TANC2: variants seen among roughly 807,000 people sequenced by gnomAD.
TANC2 encodes the protein protein TANC2.
In TANC2, 26 loss-of-function variants were observed where a neutral mutation model predicts 210.5. The observed-to-expected ratio is 0.12, with a 90% CI of 0.09 to 0.17. The LOEUF is 0.17. TANC2 is among the 10% of genes least tolerant of loss of function. TANC2 has a pLI of 1.00. For synonymous variants in TANC2, 931 were observed against 967.1 expected (o/e 0.96, Z 0.69); for missense variants, 2,129 against 2,608.9 (o/e 0.82, Z 4.01).
intron 2 of TANC2, among the ~76,000 whole-genome samples, chr17:63,043,641 C>T (rs913634353): frequency 3.9e-5 from 6 of 152,242 alleles, no homozygotes; most frequent in African/African-American, 1.4e-4. Flanking sequence ...TCAACAGTAT[C>T]TTTAGCCCTC....
rs760778311 is a variant in TANC2, at chr17:63,421,105, G to A, written c.5375G>A (p.Gly1792Asp). ...CGACCTTCCTCAGCATACCGAGGTG[G>A]CGTGAGATACAGCCAGACACCACAG... The change falls in exon 28 of 28, where the codon GGC becomes GAC. Residue 1792 changes from glycine (G) to aspartate (D), a missense_variant. By Grantham distance (94) the Gly-to-Asp change is moderately conservative. Around this residue, in one of 5 missense-constraint regions of TANC2, gnomAD observed 584 missense variants for 627.3 expected, o/e 0.93. Transcript: ENST00000689528. The surrounding 1 kb of genome is among the most constrained non-coding windows in gnomAD (Gnocchi z 6.9). 4 of 1,613,952 alleles carry A rather than the reference G, an allele frequency of 2.5e-6. No individual in the cohort carries two copies. In the East Asian group the frequency reaches 6.7e-5, roughly 27 times the overall value.
exon 28 of TANC2, chr17:63,423,794 GC>G (rs1389786582): frequency 1.3e-5 from 2 of 152,348 alleles, no homozygotes; most frequent in African/African-American, 4.8e-5. Context: ...ACTAACTCAA[GC>G]CCCAGCCTCT....
chr17:63,264,201 A>C (rs888212733), intron 8 of TANC2, among the ~76,000 whole-genome samples: 3 of 152,226 alleles, frequency 2.0e-5, no homozygotes, highest in Non-Finnish European at 4.4e-5. Flanking sequence ...CACATCTACT[A>C]ATATACCATT....
At chr17:63,119,583 G>A (rs2038382949) in intron 4 of TANC2, among the ~76,000 whole-genome samples, 1 of 152,052 alleles carries the variant, frequency 6.6e-6, no homozygotes, top group South Asian at 2.1e-4. Flanking sequence ...AAATAAAATA[G>A]GAATTTTAAA....
rs141841978 is a variant in TANC2, at chr17:63,116,696, A to G, written c.322+17339A>G. Among the ~76,000 whole-genome samples, 360 of 152,318 alleles carry G rather than the reference A, an allele frequency of 2.4e-3. 3 individuals carry two copies. Among genetic ancestry groups the G allele is most frequent in the African/African-American group, 8.5e-3 (355 of 41,574 alleles). On this transcript the variant is annotated intron_variant, in intron 4 of 27. Transcript: ENST00000689528. ...CAGTTGATAGTGCTGCAGTTTTGGC[A>G]TATCTGATGCATACCATCTGAATGA...
At chr17:63,297,297 C>T (rs1008559766) in intron 9 of TANC2, among the ~76,000 whole-genome samples, 3 of 152,006 alleles carry the variant, frequency 2.0e-5, no homozygotes, top group Admixed American at 6.6e-5. Context: ...AAGTGTCAAA[C>T]GTCCCAATTT....
intron 8 of TANC2, among the ~76,000 whole-genome samples, chr17:63,251,056 A>G (rs1349038223): frequency 6.6e-6 from 1 of 152,196 alleles, no homozygotes; most frequent in Non-Finnish European, 1.5e-5. Flanking sequence ...TACATTGAGT[A>G]TCATGTGCAG....
chr17:63,368,629 C>A (rs537076757), intron 14 of TANC2, among the ~76,000 whole-genome samples: 3 of 152,312 alleles, frequency 2.0e-5, no homozygotes, highest in African/African-American at 7.2e-5. Context: ...GGAGGGGATG[C>A]TCACCAGCAC....
At chr17:62,967,575 A>C (rs947008264) in intron 1 of TANC2, 1 of 152,236 alleles carries the variant, frequency 6.6e-6, no homozygotes, top group African/African-American at 2.4e-5. Context: ...GAAACAAACA[A>C]AACCCCAAAC....
At chr17:63,032,078 T>G (rs752946446) in intron 2 of TANC2, among the ~76,000 whole-genome samples, 5 of 152,196 alleles carry the variant, frequency 3.3e-5, no homozygotes, top group Non-Finnish European at 7.3e-5. Context: ...TCCCATTTCT[T>G]ATATCTATTT....
intron 7 of TANC2, among the ~76,000 whole-genome samples, chr17:63,217,007 C>T (rs2042043781): frequency 6.6e-6 from 1 of 151,992 alleles, no homozygotes; most frequent in South Asian, 2.1e-4. Flanking sequence ...GGAAATTTAA[C>T]AATATTTTAA....
chr17:63,232,212 A>T (rs2042496063), intron 7 of TANC2, among the ~76,000 whole-genome samples: 1 of 152,142 alleles, frequency 6.6e-6, no homozygotes, highest in African/African-American at 2.4e-5. Context: ...ATGCTCCTTC[A>T]GCTCTGTGAA....
chr17:63,061,896 T>G (rs2036011219), intron 2 of TANC2, among the ~76,000 whole-genome samples: 1 of 152,152 alleles, frequency 6.6e-6, no homozygotes, highest in Non-Finnish European at 1.5e-5. Flanking sequence ...TTTCTTCTAG[T>G]TTAGTCTTCA....
chr17:63,302,947 A>T (rs2044770583), intron 9 of TANC2, among the ~76,000 whole-genome samples: 1 of 152,032 alleles, frequency 6.6e-6, no homozygotes, highest in African/African-American at 2.4e-5. Context: ...TATTTTTAGT[A>T]GAGACAGTTT....
chr17:63,345,643 A>G (rs886706810), intron 12 of TANC2, among the ~76,000 whole-genome samples: 1 of 149,974 alleles, frequency 6.7e-6, no homozygotes, highest in African/African-American at 2.5e-5. Flanking sequence ...AAAAAAACAC[A>G]TAATCCCAGC....
At chr17:63,119,057 C>T (rs1313109027) in intron 4 of TANC2, among the ~76,000 whole-genome samples, 1 of 152,134 alleles carries the variant, frequency 6.6e-6, no homozygotes, top group Non-Finnish European at 1.5e-5. Flanking sequence ...GCTGGGATTA[C>T]AGGAGTGAGC....
chr17:63,187,640 G>C (rs2145705556), intron 5 of TANC2, among the ~76,000 whole-genome samples: 1 of 152,042 alleles, frequency 6.6e-6, no homozygotes, highest in East Asian at 1.9e-4. Context: ...TAAGTGTGAT[G>C]AAAACTATAA....
intron 2 of TANC2, among the ~76,000 whole-genome samples, chr17:63,066,554 C>G (rs1410082175): frequency 6.6e-6 from 1 of 152,074 alleles, no homozygotes; most frequent in Non-Finnish European, 1.5e-5. Context: ...GAAAGGAACT[C>G]AACACTCAGA....
At chr17:63,211,979 A>G (rs1156645523) in intron 7 of TANC2, among the ~76,000 whole-genome samples, 1 of 152,144 alleles carries the variant, frequency 6.6e-6, no homozygotes, top group Non-Finnish European at 1.5e-5. Context: ...TGCTGCACCC[A>G]TTAACTCGTC....
Sources: allele counts gnomAD v4.1 joint callset (sites outside exome capture counted in the v4.1 genomes callset), GRCh38; gene constraint gnomAD v4.1.1; regional missense constraint gnomAD v4.1.1; non-coding constraint Gnocchi (gnomAD v3.1); transcripts MANE v1.5; gene names NCBI Gene and HGNC (gene_info 2026-07-23, HGNC 2026-07-21).